The following PPP5C variants were observed in gnomAD, a reference collection of about 807,000 sequenced individuals.
PPP5C encodes the protein serine/threonine-protein phosphatase 5.
Under a neutral mutation model 66.7 loss-of-function variants are expected in PPP5C, and 21 were observed. The observed-to-expected ratio is 0.31, with a 90% confidence interval of 0.22 to 0.45. The LOEUF is 0.45. Among genes scored for constraint, PPP5C ranks in the 20% least tolerant of loss-of-function variants. The pLI is 1.00. For synonymous variants in PPP5C, 246 were observed against 257.4 expected, an observed-to-expected ratio of 0.96 and a Z score of 0.43; for missense variants, 464 against 675.9, an observed-to-expected ratio of 0.69 and a Z score of 3.48.
intron 2 of PPP5C, among the ~76,000 whole-genome samples, chr19:46,362,571 T>G (rs1321687448): frequency 6.6e-6 from 1 of 152,080 alleles, no homozygotes; most frequent in African/African-American, 2.4e-5. Context: ...AAGTTGATTC[T>G]ATTTATATGT....
At chr19:46,365,719 A>G (rs1972480071) in intron 2 of PPP5C, among the ~76,000 whole-genome samples, 1 of 152,200 alleles carries the variant, frequency 6.6e-6, no homozygotes, top group Non-Finnish European at 1.5e-5. Context: ...ATACCTCTGC[A>G]AAGTCTCTGG....
intron 2 of PPP5C, among the ~76,000 whole-genome samples, chr19:46,366,970 C>T (rs1972501082): frequency 6.6e-6 from 1 of 152,186 alleles, no homozygotes; most frequent in African/African-American, 2.4e-5. Flanking sequence ...TTGGAATTGG[C>T]CACTGTGCTG....
rs2147413070 is a variant in PPP5C at position 46,390,931 on chromosome 19, G to A, written c.*585G>A. 1.7e-6 allele frequency: 2 copies of A among 1,174,266 alleles called. No homozygotes were observed. The highest frequency in any genetic ancestry group is 2.1e-6 in the Non-Finnish European group (2 of 931,326). The allele number at this position is 1,174,266 out of a possible 1,614,324, so 72.7% of individuals were successfully genotyped here. Reference sequence around the variant, plus strand: ...CTCAGGAGATCCGGAGGGTGGGGAGGCCGCAAAGTCCCGCTGGCCGGGCCC... The same window carrying A: ...CTCAGGAGATCCGGAGGGTGGGGAGACCGCAAAGTCCCGCTGGCCGGGCCC... On this transcript the variant is annotated 3_prime_UTR_variant, in exon 13 of 13. Transcript: ENST00000012443.
intron 2 of PPP5C, among the ~76,000 whole-genome samples, chr19:46,356,110 C>T (rs1428316034): frequency 6.6e-6 from 1 of 152,178 alleles, no homozygotes; most frequent in Non-Finnish European, 1.5e-5. Flanking sequence ...TGTGGGTGTG[C>T]CACGTCTGAG....
chr19:46,390,037 T>C lies in PPP5C; in HGVS notation c.1356-14T>C, dbSNP rs1325162853. 2 of 1,613,566 alleles carry C rather than the reference T, an allele frequency of 1.2e-6. No individual in the cohort carries two copies. Among genetic ancestry groups the C allele is most frequent in the Non-Finnish European group, 1.7e-6 (2 of 1,179,644 alleles). On this transcript the variant is annotated splice_polypyrimidine_tract_variant and intron_variant, in intron 11 of 12. Coordinates refer to ENST00000012443, the MANE Select transcript of PPP5C (RefSeq NM_006247.4). ...GCCCTGACCACACTGTCCACTCTGC[T>C]CCTGTCCCTGCAGCGACCAGATGGG...
rs998173205 is a variant in PPP5C, at chr19:46,383,311, C to T, written c.634-100C>T. 3.2e-6 allele frequency: 5 copies of T among 1,556,884 alleles called. No homozygotes were observed. Among genetic ancestry groups the T allele is most frequent in the Non-Finnish European group, 4.3e-6 (5 of 1,150,574 alleles). On this transcript the variant is annotated intron_variant, in intron 4 of 12. Coordinates refer to ENST00000012443, the MANE Select transcript of PPP5C (RefSeq NM_006247.4). This position sits in a 1 kb window ranked among gnomAD's most constrained non-coding sequence, Gnocchi z 5.0. ...TTCTTCTCTCCCTGCTTCTCCCTCG[C>T]CCTCAGCCCAGCAGCGTCTCATGGG...
At chr19:46,367,695 C>CAAAA (rs1972513977) in intron 2 of PPP5C, among the ~76,000 whole-genome samples, 4 of 152,288 alleles carry the variant, frequency 2.6e-5, no homozygotes, top group Non-Finnish European at 4.4e-5. Context: ...GAACCGCAGT[C>CAAAA]ACTCAGTTGG....
intron 2 of PPP5C, among the ~76,000 whole-genome samples, chr19:46,368,340 G>C (rs1972525560): frequency 6.6e-6 from 1 of 152,172 alleles, no homozygotes; most frequent in Admixed American, 6.5e-5. Context: ...GCATCTCCTG[G>C]ACCTGCCATG....
At chr19:46,374,506 A>G (rs1293252219) in intron 2 of PPP5C, among the ~76,000 whole-genome samples, 1 of 152,212 alleles carries the variant, frequency 6.6e-6, no homozygotes, top group Non-Finnish European at 1.5e-5. Context: ...AGTAAGTAGC[A>G]GAGCCAGGAT....
At chr19:46,368,360 G>T (rs529633132) in intron 2 of PPP5C, among the ~76,000 whole-genome samples, 1 of 152,158 alleles carries the variant, frequency 6.6e-6, no homozygotes, top group Non-Finnish European at 1.5e-5. Context: ...GCAGCTACTC[G>T]TGGCGAGTGT....
intron 1 of PPP5C, among the ~76,000 whole-genome samples, chr19:46,352,634 C>G (rs1568563922): frequency 6.6e-6 from 1 of 152,118 alleles, no homozygotes; most frequent in Non-Finnish European, 1.5e-5. Context: ...TCCTGGCTAA[C>G]ACGGTGAAAC....
chr19:46,357,104 T>C lies in PPP5C; in HGVS notation c.363+3115T>C, dbSNP rs182247510. Among the ~76,000 whole-genome samples, 175 of 152,332 alleles carry C rather than the reference T, an allele frequency of 1.1e-3. 2 individuals are homozygous for C. The highest frequency in any genetic ancestry group is 5.7e-4 in the Non-Finnish European group (39 of 68,016). On this transcript the variant is annotated intron_variant, in intron 2 of 12. Transcript: ENST00000012443. ...CTCTGTCACCCAGGCTGGAGTGCAG[T>C]GGCACAAATCTTGGCTCACTGCAAC...
At chr19:46,384,010 G>A (rs1972841166) in intron 6 of PPP5C, 132 bp downstream of exon 6, 2 of 775,968 alleles carry the variant, frequency 2.6e-6, no homozygotes, top group Non-Finnish European at 4.2e-6. Context: ...CCATGCTGGG[G>A]CACCAAGGTG....
chr19:46,383,698 C>T lies in PPP5C; in HGVS notation c.700-82C>T, dbSNP rs921117023. The T allele has an allele frequency of 7.4e-6, 9 of 1,222,876 alleles. No homozygotes were observed. The highest frequency in any genetic ancestry group is 1.3e-5 in the South Asian group (1 of 79,770). The allele number at this position is 1,222,876 out of a possible 1,614,324, so 75.8% of individuals were successfully genotyped here. A position where few individuals can be genotyped will look rare whatever the true frequency, so the allele number is the denominator to read the frequency against. On this transcript the variant is annotated intron_variant, in intron 5 of 12. Transcript: ENST00000012443. This position sits in a 1 kb window ranked among gnomAD's most constrained non-coding sequence, Gnocchi z 5.0. ...ATGATTCTTCTTGGTCTACTGTGAACTCTTACCCTTCCCCTCACCTCTGCC... is the reference window on the plus strand; with the variant it reads ...ATGATTCTTCTTGGTCTACTGTGAATTCTTACCCTTCCCCTCACCTCTGCC...
At chr19:46,348,517 T>C (rs1417164537) in intron 1 of PPP5C, among the ~76,000 whole-genome samples, 1 of 152,118 alleles carries the variant, frequency 6.6e-6, no homozygotes, top group Non-Finnish European at 1.5e-5. Flanking sequence ...TTTCGCCATG[T>C]TGGCCAGGCT....
chr19:46,389,062 G>A (rs529721421), intron 11 of PPP5C, among the ~76,000 whole-genome samples: 80 of 152,202 alleles, frequency 5.3e-4, no homozygotes, highest in Admixed American at 4.2e-3. Flanking sequence ...GGTGGCTCAC[G>A]CCTATAATCC....
chr19:46,378,703 T>C (rs1426787793), intron 4 of PPP5C, among the ~76,000 whole-genome samples: 1 of 152,256 alleles, frequency 6.6e-6, no homozygotes, highest in Non-Finnish European at 1.5e-5. Flanking sequence ...ACTTCAGTAC[T>C]TTTTGGCTTG....
intron 2 of PPP5C, among the ~76,000 whole-genome samples, chr19:46,363,626 T>TCA (rs944698807): frequency 1.3e-5 from 2 of 151,960 alleles, no homozygotes; most frequent in Non-Finnish European, 2.9e-5. Context: ...AGATGGGGTT[T>TCA]CACCATGTTG....
intron 8 of PPP5C, 34 bp from the exon 9 acceptor site, chr19:46,387,332 C>T (rs1186670693): frequency 2.5e-6 from 4 of 1,607,778 alleles, no homozygotes; most frequent in Non-Finnish European, 3.4e-6. Context: ...GTGGGTGGCA[C>T]CTTCCCTCAC....
Sources: gnomAD v4.1 joint callset for allele counts (sites outside exome capture counted in the v4.1 genomes callset) on GRCh38, gnomAD v4.1.1 for gene constraint, Gnocchi (gnomAD v3.1) non-coding constraint, MANE v1.5 for transcripts, NCBI Gene and HGNC (gene_info 2026-07-23, HGNC 2026-07-21) for gene names.